Variants in ARHGEF38 observed in about 807,000 individuals in gnomAD.
The protein encoded by ARHGEF38 is Rho guanine nucleotide exchange factor (GEF) 38.
ARHGEF38 carries 79 observed loss-of-function variants against 79.9 expected under a neutral mutation model. The observed-to-expected ratio is 0.99, with a 90% confidence interval of 0.82 to 1.19. ARHGEF38 has a LOEUF of 1.19. Among genes scored for constraint, ARHGEF38 ranks in the 50% most tolerant of loss-of-function variants. The pLI, the probability that ARHGEF38 is intolerant of heterozygous loss-of-function variation, is 0.00. For missense variants in ARHGEF38, 962 were observed against 907.2 expected (o/e 1.06, Z -0.78); for synonymous variants, 366 against 328.3 (o/e 1.11, Z -1.24).
chr4:105,666,118 A>C, intron 10 of ARHGEF38, 59 bp from the exon 11 acceptor site: 1 of 1,404,834 alleles, frequency 7.1e-7, no homozygotes, highest in Non-Finnish European at 9.3e-7. Flanking sequence ...CAATACATTT[A>C]ACACCTGATA....
chr4:105,581,638 T>G (rs1242674669), intron 1 of ARHGEF38, among the ~76,000 whole-genome samples: 1 of 152,198 alleles, frequency 6.6e-6, no homozygotes, highest in Non-Finnish European at 1.5e-5. Flanking sequence ...GAGCTTTTAT[T>G]TTAAGATTCT....
In ARHGEF38 at chr4:105,625,705, C is replaced by T. The variant is rs561116747; in HGVS notation, c.509-5193C>T. ...TATATCCCACTGTGGGCTTTAATTA[C>T]ATGGCCATACCAATTGGATGGGAGG... is the stretch of plus-strand genomic sequence containing the variant. On this transcript the variant is annotated intron_variant, in intron 3 of 13. Coordinates refer to ENST00000420470, the MANE Select transcript of ARHGEF38 (RefSeq NM_001242729.2). Among the ~76,000 whole-genome samples the T allele has an allele frequency of 3.9e-5, 6 of 152,336 alleles. No homozygotes were observed. In the South Asian group the frequency reaches 8.3e-4, roughly 21 times the overall value.
At chr4:105,658,270 G>C (rs972153139) in intron 9 of ARHGEF38, among the ~76,000 whole-genome samples, 1 of 152,090 alleles carries the variant, frequency 6.6e-6, no homozygotes, top group Non-Finnish European at 1.5e-5. Flanking sequence ...TTAGCCAAGC[G>C]TGGTGATACA....
intron 5 of ARHGEF38, among the ~76,000 whole-genome samples, chr4:105,643,087 T>C (rs1169386393): frequency 1.3e-5 from 2 of 151,896 alleles, no homozygotes; most frequent in African/African-American, 4.8e-5. Flanking sequence ...AAGGTTTTGC[T>C]ACTGATACAC....
chr4:105,664,207 C>T (rs1283374256), intron 10 of ARHGEF38, among the ~76,000 whole-genome samples: 1 of 152,060 alleles, frequency 6.6e-6, no homozygotes, highest in Non-Finnish European at 1.5e-5. Flanking sequence ...TTGAAGAATT[C>T]AAAGCTCTAT....
At chr4:105,561,400 T>TAGAATGGAATAGAATGG (rs59437354) in intron 1 of ARHGEF38, among the ~76,000 whole-genome samples, 1 of 30,160 alleles carries the variant, frequency 3.3e-5, no homozygotes, top group Non-Finnish European at 6.7e-5. Context: ...TAGAGTAGAA[T>TAGAATGGAATAGAATGG]AATAGAATAG....
chr4:105,561,107 G>T (rs1308818009), intron 1 of ARHGEF38, among the ~76,000 whole-genome samples: 1 of 152,084 alleles, frequency 6.6e-6, no homozygotes, highest in Admixed American at 6.6e-5. Flanking sequence ...TCCCATAGAG[G>T]CAGGGTGTGG....
At chr4:105,600,290 T>C (rs1437815313) in intron 2 of ARHGEF38, among the ~76,000 whole-genome samples, 3 of 152,206 alleles carry the variant, frequency 2.0e-5, no homozygotes, top group Admixed American at 1.3e-4. Context: ...AAGGCAGTCA[T>C]GATTAGTTGT....
intron 1 of ARHGEF38, among the ~76,000 whole-genome samples, chr4:105,560,851 G>C (rs1334793568): frequency 6.6e-6 from 1 of 152,176 alleles, no homozygotes. Flanking sequence ...TAGGTCTCCA[G>C]TGTCACTACA....
intron 2 of ARHGEF38, among the ~76,000 whole-genome samples, chr4:105,596,860 C>T (rs972793033): frequency 1.3e-5 from 2 of 152,210 alleles, no homozygotes; most frequent in South Asian, 4.1e-4. Context: ...ATATCCAGCC[C>T]CTGGCTGCCT....
chr4:105,575,832 G>A (rs189428786), intron 1 of ARHGEF38, among the ~76,000 whole-genome samples: 93 of 152,252 alleles, frequency 6.1e-4, no homozygotes, highest in Middle Eastern at 3.4e-3. Flanking sequence ...TGTATAAGGT[G>A]AGAGATAGGG....
intron 1 of ARHGEF38, among the ~76,000 whole-genome samples, chr4:105,577,974 G>A (rs1726586975): frequency 1.3e-5 from 2 of 151,928 alleles, no homozygotes; most frequent in South Asian, 4.1e-4. Context: ...GCTTTGGATT[G>A]AGTTTGTTCT....
chr4:105,616,168 C>G (rs138475835), intron 3 of ARHGEF38, among the ~76,000 whole-genome samples: 42 of 152,184 alleles, frequency 2.8e-4, no homozygotes, highest in African/African-American at 9.4e-4. Flanking sequence ...ATTTGGTTAC[C>G]TATTGCATGT....
chr4:105,619,607 TG>T (rs1728657593), intron 3 of ARHGEF38, among the ~76,000 whole-genome samples: 2 of 152,142 alleles, frequency 1.3e-5, no homozygotes, highest in Non-Finnish European at 2.9e-5. Flanking sequence ...AAGTGGTTTT[TG>T]AGCTTGCACT....
At chr4:105,606,042 T>C (rs143158542) in intron 2 of ARHGEF38, among the ~76,000 whole-genome samples, 1 of 152,076 alleles carries the variant, frequency 6.6e-6, no homozygotes, top group Admixed American at 6.6e-5. Context: ...AGAGGATGCA[T>C]CCAGGCCTCA....
At chr4:105,587,932 A>G (rs187658850) in intron 1 of ARHGEF38, among the ~76,000 whole-genome samples, 91 of 152,322 alleles carry the variant, frequency 6.0e-4, no homozygotes, top group Admixed American at 1.1e-3. Context: ...TCAACCTAGT[A>G]TAGCTTCCAA....
At chr4:105,599,528 C>A (rs1047986468) in intron 2 of ARHGEF38, among the ~76,000 whole-genome samples, 2 of 152,142 alleles carry the variant, frequency 1.3e-5, no homozygotes, top group Non-Finnish European at 1.5e-5. Flanking sequence ...GATGCATAAA[C>A]CACAATTTTA....
chr4:105,642,543 G>A (rs2110535209), intron 5 of ARHGEF38, among the ~76,000 whole-genome samples: 2 of 152,218 alleles, frequency 1.3e-5, no homozygotes, highest in South Asian at 4.1e-4. Context: ...AATGAGAGCA[G>A]TTCTTAACAT....
chr4:105,662,748 A>C (rs1730609565), intron 10 of ARHGEF38, among the ~76,000 whole-genome samples: 1 of 152,218 alleles, frequency 6.6e-6, no homozygotes, highest in African/African-American at 2.4e-5. Context: ...GTGGGTTCAT[A>C]AGTTCAGAAC....
Sources: gnomAD v4.1 joint callset for allele counts (sites outside exome capture counted in the v4.1 genomes callset) on GRCh38, gnomAD v4.1.1 for gene constraint, MANE v1.5 for transcripts, NCBI Gene and HGNC (gene_info 2026-07-23, HGNC 2026-07-21) for gene names.